Variants in IARS1 observed in about 807,000 individuals in gnomAD.
The protein encoded by IARS1 is isoleucyl-tRNA synthetase 1.
In IARS1, 124 loss-of-function variants were observed where a neutral mutation model predicts 168.2. That is an observed-to-expected ratio of 0.74 (90% CI 0.64 to 0.86). The LOEUF is 0.86. Among genes scored for constraint, IARS1 ranks in the 40% least tolerant of loss-of-function variants. The pLI is 0.00. For synonymous variants in IARS1, 532 were observed against 529.4 expected (o/e 1.00, Z -0.07); for missense variants, 1,452 against 1,515.8 (o/e 0.96, Z 0.70).
chr9:92,261,258 G>A (rs568570701), intron 17 of IARS1, among the ~76,000 whole-genome samples: 20 of 151,778 alleles, frequency 1.3e-4, no homozygotes, highest in Non-Finnish European at 2.7e-4. Context: ...GCAGTGAGCC[G>A]AGATCACGCC....
At chr9:92,237,411 G>A (rs769015411) in intron 30 of IARS1, among the ~76,000 whole-genome samples, 8 of 152,148 alleles carry the variant, frequency 5.3e-5, no homozygotes, top group Non-Finnish European at 1.0e-4. Context: ...GGTTTCAACT[G>A]TATTAATTGG....
chr9:92,229,622 C>T (rs1323393120), intron 30 of IARS1, among the ~76,000 whole-genome samples: 10 of 152,110 alleles, frequency 6.6e-5, no homozygotes, highest in East Asian at 3.8e-4. Flanking sequence ...GATTCATGTA[C>T]GGATATTTAC....
Position 92,258,748 on chromosome 9 carries a change from G to C in IARS1, c.2016+106C>G, listed in dbSNP as rs144427454. ...TAAGTTACCCCAGCATCAGGCAGCA[G>C]AGAACAGCAGCCCTAAAGTCTCACA... On this transcript the variant is annotated intron_variant, in intron 19 of 33. Transcript: ENST00000443024. 8.8e-5 allele frequency: 104 copies of C among 1,185,718 alleles called. No homozygotes were observed. In the African/African-American group the frequency reaches 1.3e-3, roughly 15 times the overall value. The allele number at this position is 1,185,718 out of a possible 1,614,324, so 73.4% of individuals were successfully genotyped here.
At chr9:92,217,117 T>A (rs1405606021) in intron 33 of IARS1, among the ~76,000 whole-genome samples, 29 of 150,260 alleles carry the variant, frequency 1.9e-4, no homozygotes, top group Middle Eastern at 3.4e-3. Flanking sequence ...GGATTAAGAA[T>A]CTCACTCAAA....
intron 27 of IARS1, among the ~76,000 whole-genome samples, chr9:92,244,009 G>A (rs536198700): frequency 1.3e-5 from 2 of 152,120 alleles, no homozygotes; most frequent in Non-Finnish European, 1.5e-5. Flanking sequence ...AGTAAACAGA[G>A]AAGTTAAGAA....
At chr9:92,287,751 T>C in intron 4 of IARS1, 40 bp downstream of exon 4, 5 of 1,586,156 alleles carry the variant, frequency 3.2e-6, no homozygotes, top group Non-Finnish European at 4.3e-6. Context: ...ATTTAGTAAC[T>C]ACATTTGCTG....
At chr9:92,280,356 C>T (rs1430175691) in intron 7 of IARS1, among the ~76,000 whole-genome samples, 1 of 152,130 alleles carries the variant, frequency 6.6e-6, no homozygotes, top group Admixed American at 6.5e-5. Flanking sequence ...GAAAGGCCCT[C>T]GTTGAGACTG....
intron 1 of IARS1, chr9:92,293,348 A>G (rs545041147): frequency 2.1e-4 from 72 of 347,968 alleles, no homozygotes; most frequent in South Asian, 1.5e-3. Context: ...TAAGACATAT[A>G]AAAATACGTA....
intron 26 of IARS1, among the ~76,000 whole-genome samples, 183 bp downstream of exon 26, chr9:92,247,194 G>A (rs1829324771): frequency 6.6e-6 from 1 of 151,408 alleles, no homozygotes; most frequent in Non-Finnish European, 1.5e-5. Context: ...ATTCTGTCAA[G>A]AAAAGAGAAG....
chr9:92,250,155 G>T, intron 24 of IARS1, 32 bp downstream of exon 24: 2 of 1,315,882 alleles, frequency 1.5e-6, no homozygotes, highest in South Asian at 1.2e-5. Context: ...ATTTAGGTCT[G>T]TGCCATGTAA....
Position 92,288,302 on chromosome 9 carries a change from T to C in IARS1, c.120-20A>G, listed in dbSNP as rs373622389. 9 of 1,612,738 alleles carry C rather than the reference T, an allele frequency of 5.6e-6. No individual in the cohort carries two copies. The African/African-American group carries it at 9.3e-5, about 17-fold the overall frequency. ...GTAAATCTAACAGGTAATAAAAATA[T>C]ATCAAGCCATTTAAAAACAGCCAAA... is the stretch of plus-strand genomic sequence containing the variant. On this transcript the variant is annotated intron_variant, in intron 2 of 33. Coordinates refer to ENST00000443024, the MANE Select transcript of IARS1 (RefSeq NM_002161.6).
intron 17 of IARS1, 76 bp downstream of exon 17, chr9:92,262,893 G>T: frequency 1.9e-6 from 2 of 1,028,162 alleles, no homozygotes; most frequent in South Asian, 2.6e-5. Flanking sequence ...CAACAAAGTT[G>T]ACCGCTCTCA....
At chr9:92,252,286 T>TA (rs998273477) in intron 21 of IARS1, 23 of 450,404 alleles carry the variant, frequency 5.1e-5, no homozygotes, top group African/African-American at 1.2e-4. Flanking sequence ...TAATGTGTAT[T>TA]AAAAAAAATA....
Position 92,274,455 on chromosome 9 carries a change from C to A in IARS1, c.961G>T (p.Val321Phe), listed in dbSNP as rs1833515947. The change falls in exon 10 of 34, where the codon GTT becomes TTT. Residue 321 changes from valine to phenylalanine, a missense_variant. By Grantham distance (50) the Val-to-Phe change is conservative. Coordinates refer to ENST00000443024, the MANE Select transcript of IARS1 (RefSeq NM_002161.6). ...CCGAAGTAAGGAGCTTGGTGGACAA[C>A]CCCTGTGCCTTCTTCTTCCTTCACA... Reference protein sequence around the residue: ...NYVKEEEGTGVVHQAPYFGAE... With the variant: ...NYVKEEEGTGFVHQAPYFGAE... The A allele has an allele frequency of 6.2e-7, 1 of 1,613,762 alleles. No individual in the cohort carries two copies. Among genetic ancestry groups the A allele is most frequent in the South Asian group, 1.1e-5 (1 of 91,074 alleles).
At chr9:92,292,302 G>A (rs955576662) in intron 1 of IARS1, among the ~76,000 whole-genome samples, 2 of 151,636 alleles carry the variant, frequency 1.3e-5, no homozygotes, top group East Asian at 3.9e-4. Context: ...GGCTCCCAAA[G>A]GGCTGGGATT....
Position 92,268,387 on chromosome 9 carries a change from C to T in IARS1, c.1305-87G>A, listed in dbSNP as rs7024757. The stretch of plus-strand genomic sequence containing the variant: ...AATACCCACAGGAGCCTTTGTATAA[C>T]GCTTTGTGGACCAAACACTCTGGAA... On this transcript the variant is annotated intron_variant, in intron 13 of 33. Transcript: ENST00000443024. The T allele has an allele frequency of 6.4e-3, 8,761 of 1,363,922 alleles. 443 individuals carry two copies. In the African/African-American group the frequency reaches 0.11, roughly 17 times the overall value. The allele number at this position is 1,363,922 out of a possible 1,614,324, so 84.5% of individuals were successfully genotyped here.
intron 28 of IARS1, 111 bp from the exon 29 acceptor site, chr9:92,242,441 G>T: frequency 2.5e-6 from 2 of 794,694 alleles, no homozygotes; most frequent in Non-Finnish European, 3.9e-6. Context: ...CATCACAGAA[G>T]GGCAGTCACC....
intron 7 of IARS1, among the ~76,000 whole-genome samples, chr9:92,279,741 C>T (rs1834269687): frequency 6.6e-6 from 1 of 152,134 alleles, no homozygotes; most frequent in African/African-American, 2.4e-5. Flanking sequence ...ATTATCAATA[C>T]CCTAAACCTT....
In IARS1 at chr9:92,258,900, T is replaced by G. The variant is rs1214604947; in HGVS notation, c.1970A>C (p.Tyr657Ser). Residue 657 changes from tyrosine (Y) to serine (S), a missense_variant, in exon 19 of 34, where the codon TAC becomes TCC. Tyr to Ser is a moderately radical substitution (Grantham distance 144). Coordinates refer to ENST00000443024, the MANE Select transcript of IARS1 (RefSeq NM_002161.6). ...CTGGATTAAGAAGCGATAGGCATTG[T>G]ACCATGGGAGCAGTACATCCTTAAG... Reference protein sequence around the residue: ...DVLKDVLLPWYNAYRFLIQNV... With the variant: ...DVLKDVLLPWSNAYRFLIQNV... 6.2e-7 allele frequency: 1 copy of G among 1,613,888 alleles called. No individual in the cohort carries two copies. The highest frequency in any genetic ancestry group is 8.5e-7 in the Non-Finnish European group (1 of 1,179,936).
Sources: gnomAD v4.1 joint callset for allele counts (sites outside exome capture counted in the v4.1 genomes callset) on GRCh38, gnomAD v4.1.1 for gene constraint, MANE v1.5 for transcripts, NCBI Gene and HGNC (gene_info 2026-07-23, HGNC 2026-07-21) for gene names.